PTBP2: variants seen among roughly 807,000 people sequenced by gnomAD.
PTBP2 encodes the protein polypyrimidine tract binding protein 2, also known as polypyrimidine tract-binding protein 2.
Under a neutral mutation model 61.4 loss-of-function variants are expected in PTBP2, and 13 were observed. The ratio of observed to expected loss-of-function variants is 0.21; its 90% CI spans 0.14 to 0.34. PTBP2 has a LOEUF of 0.34. Ranked by LOEUF, PTBP2 falls within the 10% of genes least tolerant of loss-of-function variation. The pLI is 1.00. For synonymous variants in PTBP2, 215 were observed against 218.5 expected (o/e 0.98, Z 0.14); for missense variants, 405 against 642.6 (o/e 0.63, Z 4.00).
intron 11 of PTBP2, among the ~76,000 whole-genome samples, chr1:96,811,817 G>A (rs1242955449): frequency 6.6e-6 from 1 of 152,092 alleles, no homozygotes; most frequent in East Asian, 1.9e-4. Context: ...TAGTTATTTT[G>A]ACTGGTGAAT....
intron 3 of PTBP2, among the ~76,000 whole-genome samples, chr1:96,756,966 T>G (rs1655229037): frequency 6.6e-6 from 1 of 152,094 alleles, no homozygotes; most frequent in Non-Finnish European, 1.5e-5. Flanking sequence ...GGTTCATCAG[T>G]TGTAACAATG....
In PTBP2 at chr1:96,808,770, T is replaced by G. The variant is rs527474133; in HGVS notation, c.1171+1812T>G. 1.1e-4 allele frequency among the ~76,000 whole-genome samples: 17 copies of G among 152,142 alleles called. No individual in the cohort carries two copies. The South Asian group carries it at 2.7e-3, about 24-fold the overall frequency. On this transcript the variant is annotated intron_variant, in intron 11 of 13. Transcript: ENST00000674951. ...CTTGAACTGTGTGACCATAAAAGTA[T>G]GTACTGACACCATCATTTCCTTTAA...
chr1:96,809,637 A>G (rs72721996), intron 11 of PTBP2, among the ~76,000 whole-genome samples: 46,472 of 151,932 alleles, frequency 0.31, 8,322 homozygotes, highest in East Asian at 0.53. Flanking sequence ...TTAAGCCTCC[A>G]AAGTAGCTAG....
At chr1:96,752,664 T>G (rs762383970) in intron 3 of PTBP2, among the ~76,000 whole-genome samples, 1 of 152,100 alleles carries the variant, frequency 6.6e-6, no homozygotes, top group Admixed American at 6.5e-5. Flanking sequence ...CGGTTTCTCT[T>G]TTTGTTTTTA....
chr1:96,782,978 C>T (rs1427583146), intron 7 of PTBP2, among the ~76,000 whole-genome samples: 2 of 151,848 alleles, frequency 1.3e-5, no homozygotes, highest in South Asian at 2.1e-4. Flanking sequence ...TCTAAACCTT[C>T]ACTGTGAGTA....
rs115079743 is a variant in PTBP2 at position 96,736,343 on chromosome 1, G to A, written c.39+12749G>A. On this transcript the variant is annotated intron_variant, in intron 2 of 13. Transcript: ENST00000674951. ...TTACTGACCATATAAGAATGTAATA[G>A]CAGTGATTGATAAGGGGTTTAAAAA... Among the ~76,000 whole-genome samples, 572 of 152,128 alleles carry A rather than the reference G, an allele frequency of 3.8e-3. 5 individuals carry two copies. The highest frequency in any genetic ancestry group is 0.013 in the African/African-American group (550 of 41,508).
At position 96,721,787 on chromosome 1, in the gene PTBP2, C is replaced by T. The variant is rs1649580900; in HGVS notation, c.-78C>T. On this transcript the variant is annotated 5_prime_UTR_variant, in exon 1 of 14. Transcript: ENST00000674951. Reference sequence around the variant, plus strand: ...TCGGCAATTTCCGTCGGGCCCCAGCCGCCATTTTCTCGCCGCTTGTGTGGC... The same window carrying T: ...TCGGCAATTTCCGTCGGGCCCCAGCTGCCATTTTCTCGCCGCTTGTGTGGC... 1.3e-6 allele frequency: 2 copies of T among 1,542,100 alleles called. No individual in the cohort carries two copies. Among genetic ancestry groups the T allele is most frequent in the East Asian group, 2.5e-5 (1 of 40,214 alleles).
intron 5 of PTBP2, chr1:96,771,532 A>G (rs912095842): frequency 2.6e-5 from 4 of 151,946 alleles, no homozygotes; most frequent in Admixed American, 2.6e-4. Context: ...TGACAAAATC[A>G]TTTTGTTAGT....
chr1:96,728,864 A>T, intron 2 of PTBP2, among the ~76,000 whole-genome samples: 3 of 144,874 alleles, frequency 2.1e-5, no homozygotes, highest in African/African-American at 5.2e-5. Context: ...GTTTGATTAG[A>T]TTTACCCATA....
At chr1:96,735,210 G>C (rs938118902) in intron 2 of PTBP2, among the ~76,000 whole-genome samples, 13 of 152,064 alleles carry the variant, frequency 8.5e-5, no homozygotes, top group Non-Finnish European at 1.5e-5. Context: ...GAGCCACTGT[G>C]CCTGGCCAAT....
intron 2 of PTBP2, among the ~76,000 whole-genome samples, chr1:96,727,092 C>G (rs561940148): frequency 1.2e-4 from 18 of 152,216 alleles, no homozygotes; most frequent in African/African-American, 3.9e-4. Flanking sequence ...AACCACTGAT[C>G]TGCTTTCTGT....
At chr1:96,762,827 C>T (rs867674874) in intron 3 of PTBP2, among the ~76,000 whole-genome samples, 12 of 147,702 alleles carry the variant, frequency 8.1e-5, no homozygotes, top group South Asian at 6.5e-4. Context: ...TCAGATGGGG[C>T]GGCTGCTGGG....
intron 2 of PTBP2, among the ~76,000 whole-genome samples, chr1:96,746,453 G>A (rs74104488): frequency 0.05 from 7,610 of 152,166 alleles, 237 homozygotes; most frequent in African/African-American, 0.09. Flanking sequence ...TTATGGCCAT[G>A]GATGTTTCTC....
intron 5 of PTBP2, among the ~76,000 whole-genome samples, chr1:96,773,533 T>C (rs1344320124): frequency 1.3e-5 from 2 of 152,196 alleles, no homozygotes; most frequent in African/African-American, 2.4e-5. Context: ...TGTTGTCTTT[T>C]CGTGTTTCAG....
At chr1:96,765,857 A>C (rs995045210) in intron 3 of PTBP2, among the ~76,000 whole-genome samples, 1 of 152,190 alleles carries the variant, frequency 6.6e-6, no homozygotes, top group Non-Finnish European at 1.5e-5. Flanking sequence ...TGAATGAGTA[A>C]TCAGGATTCA....
At chr1:96,799,248 C>G (rs986274139) in intron 8 of PTBP2, among the ~76,000 whole-genome samples, 1 of 143,050 alleles carries the variant, frequency 7.0e-6, no homozygotes, top group Non-Finnish European at 1.5e-5. Flanking sequence ...TTATGAAGCT[C>G]TTTTACATTG....
chr1:96,777,569 T>C lies in PTBP2; in HGVS notation c.433-16T>C. ...ATAATGGGTATGTTTCTAAACTACA[T>C]AATCTTAATTTCCAGCGTGCTCAGG... On this transcript the variant is annotated splice_polypyrimidine_tract_variant and intron_variant, in intron 5 of 13. Coordinates refer to ENST00000674951, the MANE Select transcript of PTBP2 (RefSeq NM_021190.4). The C allele has an allele frequency of 6.3e-7, 1 of 1,594,576 alleles. No homozygotes were observed.
chr1:96,807,341 A>T (rs1056422059), intron 11 of PTBP2, among the ~76,000 whole-genome samples: 2 of 152,186 alleles, frequency 1.3e-5, no homozygotes, highest in Non-Finnish European at 2.9e-5. Context: ...TAATTCTTCT[A>T]AAGTCTTGCG....
At chr1:96,788,688 T>TG (rs1365584409) in intron 8 of PTBP2, among the ~76,000 whole-genome samples, 2 of 152,024 alleles carry the variant, frequency 1.3e-5, no homozygotes, top group African/African-American at 4.8e-5. Flanking sequence ...CTAAAATTTG[T>TG]GGGGGGCTTC....
Sources: gnomAD v4.1 joint callset for allele counts (sites outside exome capture counted in the v4.1 genomes callset) on GRCh38, gnomAD v4.1.1 for gene constraint, MANE v1.5 for transcripts, NCBI Gene and HGNC (gene_info 2026-07-23, HGNC 2026-07-21) for gene names.